Variants in APCDD1L observed in about 807,000 individuals in gnomAD.
APCDD1L encodes protein APCDD1-like.
Under a neutral mutation model 24.2 loss-of-function variants are expected in APCDD1L, and 21 were observed. The ratio of observed to expected loss-of-function variants is 0.87; its 90% confidence interval spans 0.61 to 1.25. The LOEUF (loss-of-function observed/expected upper bound fraction) is 1.25, where lower values mean the gene tolerates loss of function less well. Ranked by LOEUF, APCDD1L falls within the 50% of genes most tolerant of loss-of-function variation. APCDD1L has a pLI of 0.00. For synonymous variants in APCDD1L, 321 were observed against 323.6 expected, an observed-to-expected ratio of 0.99 and a Z score of 0.09; for missense variants, 704 against 711.7, an observed-to-expected ratio of 0.99 and a Z score of 0.12.
intron 1 of APCDD1L, among the ~76,000 whole-genome samples, chr20:58,479,572 T>A (rs904340589): frequency 6.6e-6 from 1 of 151,302 alleles, no homozygotes; most frequent in African/African-American, 2.4e-5. Flanking sequence ...TTTTATATAC[T>A]GAGGTTTGGA....
Position 58,494,354 on chromosome 20 carries a change from T to C in APCDD1L, c.49+20305A>G, listed in dbSNP as rs930809511. ...TTCCTTTCTTTTCTTTCCTTTTTTCTTGAGTCAGGGTTTCATTCTGTCGCA... is the reference window on the plus strand; with the variant it reads ...TTCCTTTCTTTTCTTTCCTTTTTTCCTGAGTCAGGGTTTCATTCTGTCGCA... On this transcript the variant is annotated intron_variant, in intron 1 of 3. Transcript: ENST00000371149. This position sits in a 1 kb window ranked among gnomAD's most constrained non-coding sequence, Gnocchi z 4.8. Among the ~76,000 whole-genome samples, 2 of 152,186 alleles carry C rather than the reference T, an allele frequency of 1.3e-5. No individual in the cohort carries two copies. Among genetic ancestry groups the C allele is most frequent in the African/African-American group, 4.8e-5 (2 of 41,442 alleles).
In APCDD1L at chr20:58,467,349, C is replaced by T. The variant is rs1169250052; in HGVS notation, c.498G>A (p.Arg166=). The stretch of plus-strand genomic sequence containing the variant: ...CGTACAGCGCCCCAGGCAGCCAGGC[C>T]CGGGCCGGAGGCAGCCGCCGCGCGC... ...RDCARRLPPA[R]AWLPGALYEL... is the part of the protein sequence containing the mutation. The change falls in exon 3 of 4, where the codon CGG becomes CGA. Residue 166 remains arginine (R), a synonymous_variant. Coordinates refer to ENST00000371149, the MANE Select transcript of APCDD1L (RefSeq NM_153360.3). The surrounding 1 kb of genome is among the most constrained non-coding windows in gnomAD (Gnocchi z 5.9). 4 of 1,482,968 alleles carry T rather than the reference C, an allele frequency of 2.7e-6. No individual in the cohort carries two copies. Among genetic ancestry groups the T allele is most frequent in the Non-Finnish European group, 3.6e-6 (4 of 1,125,322 alleles). The allele number at this position is 1,482,968 out of a possible 1,614,324, so 91.9% of individuals were successfully genotyped here. A position where few individuals can be genotyped will look rare whatever the true frequency, so the allele number is the denominator to read the frequency against.
rs559683582 is a variant in APCDD1L at position 58,493,206 on chromosome 20, T to C, written c.49+21453A>G. ...GTGCATGCACACAGGCACATAAACATGCACATAATGGAAACAAAAGTTTCA... is the reference window on the plus strand; with the variant it reads ...GTGCATGCACACAGGCACATAAACACGCACATAATGGAAACAAAAGTTTCA... On this transcript the variant is annotated intron_variant, in intron 1 of 3. Transcript: ENST00000371149. 1.3e-4 allele frequency among the ~76,000 whole-genome samples: 20 copies of C among 152,340 alleles called. No homozygotes were observed. In the South Asian group the frequency reaches 4.1e-3, roughly 32 times the overall value.
chr20:58,493,229 T>C (rs894475695), intron 1 of APCDD1L, among the ~76,000 whole-genome samples: 1 of 152,240 alleles, frequency 6.6e-6, no homozygotes, highest in African/African-American at 2.4e-5. Context: ...AACAAAAGTT[T>C]CAGGAAACAA....
Position 58,461,139 on chromosome 20 carries a change from G to A in APCDD1L, c.1157C>T (p.Ser386Phe). ...PSSCGGAGAW[S>F]MGTERDVTAT... ...TGTGACATCCCGCTCAGTGCCCATGGACCAGGCCCCCGCACCCCCACAGCT... is the reference window on the plus strand; with the variant it reads ...TGTGACATCCCGCTCAGTGCCCATGAACCAGGCCCCCGCACCCCCACAGCT... Residue 386 changes from serine to phenylalanine, a missense_variant, in exon 4 of 4, where the codon TCC (serine) becomes TTC (phenylalanine). By Grantham distance (155) the Ser-to-Phe change is radical (BLOSUM62 -2). Transcript: ENST00000371149. This position sits in a 1 kb window ranked among gnomAD's most constrained non-coding sequence, Gnocchi z 6.0. The A allele has an allele frequency of 6.2e-7, 1 of 1,613,172 alleles. No individual in the cohort carries two copies. The highest frequency in any genetic ancestry group is 8.5e-7 in the Non-Finnish European group (1 of 1,179,536).
chr20:58,514,992 G>A lies in APCDD1L; in HGVS notation c.-285C>T. On this transcript the variant is annotated 5_prime_UTR_variant, in exon 1 of 4. Coordinates refer to ENST00000371149, the MANE Select transcript of APCDD1L (RefSeq NM_153360.3). ...CGCGCAGCGCGCACAGCCCCCTGGT[G>A]CAGCTCCTGCCATTCAGACCCCCAG... is the stretch of plus-strand genomic sequence containing the variant. 3.1e-6 allele frequency: 1 copy of A among 325,522 alleles called. No homozygotes were observed. 20.2% of individuals were successfully genotyped at this position (325,522 alleles called of 1,614,324 possible). A position where few individuals can be genotyped will look rare whatever the true frequency, so the allele number is the denominator to read the frequency against.
In APCDD1L at chr20:58,478,361, C is replaced by CTCCTTCCTTCCTTCCTTCCTTCCTTCCT. The variant is rs140717243; in HGVS notation, c.50-7615_50-7614insAGGAAGGAAGGAAGGAAGGAAGGAAGGA. On this transcript the variant is annotated intron_variant, in intron 1 of 3. Coordinates refer to ENST00000371149, the MANE Select transcript of APCDD1L (RefSeq NM_153360.3). ...TTTAGGCTTCTTAACTTTTTCTTTT[C>CTCCTTCCTTCCTTCCTTCCTTCCTTCCT]TCCTTCCTTCCTTCCTTCCTTCCCT... is the stretch of plus-strand genomic sequence containing the variant. Among the ~76,000 whole-genome samples the CTCCTTCCTTCCTTCCTTCCTTCCTTCCT allele has an allele frequency of 6.0e-3, 887 of 148,958 alleles. 8 individuals carry two copies. Among genetic ancestry groups the CTCCTTCCTTCCTTCCTTCCTTCCTTCCT allele is most frequent in the South Asian group, 0.016 (75 of 4,648 alleles).
intron 1 of APCDD1L, among the ~76,000 whole-genome samples, chr20:58,473,126 G>A (rs577586562): frequency 1.8e-4 from 28 of 152,344 alleles, no homozygotes; most frequent in African/African-American, 6.0e-4. Context: ...GGAAAATCAA[G>A]CTTGCGTTTC....
chr20:58,489,075 G>T (rs1990174976), intron 1 of APCDD1L, among the ~76,000 whole-genome samples: 1 of 152,136 alleles, frequency 6.6e-6, no homozygotes, highest in Admixed American at 6.5e-5. Flanking sequence ...TACAGATCCA[G>T]CAGGTTTTTA....
In APCDD1L at chr20:58,514,834, G is replaced by A; in HGVS notation, c.-127C>T. On this transcript the variant is annotated 5_prime_UTR_variant, in exon 1 of 4. Transcript: ENST00000371149. Reference sequence around the variant, plus strand: ...CTGGAGTCCTGCGAAGAAGTTGCGAGGGTCCTGCGCCCCCCTCGGCGCTCA... The same window carrying A: ...CTGGAGTCCTGCGAAGAAGTTGCGAAGGTCCTGCGCCCCCCTCGGCGCTCA... 1.5e-6 allele frequency: 1 copy of A among 684,512 alleles called. No homozygotes were observed. Among genetic ancestry groups the A allele is most frequent in the South Asian group, 7.6e-5 (1 of 13,152 alleles). The allele number at this position is 684,512 out of a possible 1,614,324, so 42.4% of individuals were successfully genotyped here. A position where few individuals can be genotyped will look rare whatever the true frequency, so the allele number is the denominator to read the frequency against.
rs896382701 is a variant in APCDD1L, at chr20:58,467,988, C to A, written c.189-330G>T. 1.3e-5 allele frequency among the ~76,000 whole-genome samples: 2 copies of A among 152,164 alleles called. No individual in the cohort carries two copies. The highest frequency in any genetic ancestry group is 1.9e-4 in the East Asian group (1 of 5,174). ...CGGGATGCCCTGCCTGCTTCCTCCC[C>A]CGCTGGACTCTGGGCACCTGGCCCA... On this transcript the variant is annotated intron_variant, in intron 2 of 3. Coordinates refer to ENST00000371149, the MANE Select transcript of APCDD1L (RefSeq NM_153360.3). The surrounding 1 kb of genome is among the most constrained non-coding windows in gnomAD (Gnocchi z 5.9).
At chr20:58,505,802 G>A (rs1429233396) in intron 1 of APCDD1L, among the ~76,000 whole-genome samples, 1 of 152,124 alleles carries the variant, frequency 6.6e-6, no homozygotes, top group Non-Finnish European at 1.5e-5. Context: ...ACTGGAGCAG[G>A]GTGAGCCCTA....
chr20:58,497,607 A>G lies in APCDD1L; in HGVS notation c.49+17052T>C, dbSNP rs1990350621. On this transcript the variant is annotated intron_variant, in intron 1 of 3. Coordinates refer to ENST00000371149, the MANE Select transcript of APCDD1L (RefSeq NM_153360.3). The surrounding 1 kb of genome is among the most constrained non-coding windows in gnomAD (Gnocchi z 4.3). ...CTTCGACGCAGGTCTGCGTCCAAATATCCCCTTTCTATGAGGATACTAGTC... is the reference window on the plus strand; with the variant it reads ...CTTCGACGCAGGTCTGCGTCCAAATGTCCCCTTTCTATGAGGATACTAGTC... 6.6e-6 allele frequency among the ~76,000 whole-genome samples: 1 copy of G among 151,930 alleles called. No homozygotes were observed. Among genetic ancestry groups the G allele is most frequent in the African/African-American group, 2.4e-5 (1 of 41,334 alleles).
rs1190643216 is a variant in APCDD1L at position 58,497,979 on chromosome 20, T to C, written c.49+16680A>G. 6.6e-6 allele frequency among the ~76,000 whole-genome samples: 1 copy of C among 152,208 alleles called. No homozygotes were observed. The highest frequency in any genetic ancestry group is 2.4e-5 in the African/African-American group (1 of 41,456). On this transcript the variant is annotated intron_variant, in intron 1 of 3. Transcript: ENST00000371149. The surrounding 1 kb of genome is among the most constrained non-coding windows in gnomAD (Gnocchi z 4.3). ...CTCCAGATCTTTTCCTCTGGGGGCA[T>C]ATGCATAAATATATGTCCCGAGGAG...
At chr20:58,509,575 CTGGGCCCTGGTGGACACAGA>C (rs1990590055) in intron 1 of APCDD1L, among the ~76,000 whole-genome samples, 1 of 152,160 alleles carries the variant, frequency 6.6e-6, no homozygotes, top group Non-Finnish European at 1.5e-5. Context: ...GGAGCTGAGC[CTGGGCCCTGGTGGACACAGA>C]GAAGGCTCAG....
chr20:58,471,703 G>A (rs1989815000), intron 1 of APCDD1L, among the ~76,000 whole-genome samples: 1 of 152,248 alleles, frequency 6.6e-6, no homozygotes, highest in Admixed American at 6.5e-5. Context: ...TCCAATCAGG[G>A]CTGATGGGCT....
chr20:58,475,255 T>G (rs117494646), intron 1 of APCDD1L, among the ~76,000 whole-genome samples: 2,868 of 152,330 alleles, frequency 0.019, 47 homozygotes, highest in Non-Finnish European at 0.028. Context: ...TTTTTTCTCC[T>G]GTAATCTGCT....
Position 58,461,930 on chromosome 20 carries a change from A to G in APCDD1L, c.742-376T>C, listed in dbSNP as rs1989618156. 1 of 201,412 alleles carries G rather than the reference A, an allele frequency of 5.0e-6. No homozygotes were observed. The highest frequency in any genetic ancestry group is 9.8e-6 in the Non-Finnish European group (1 of 102,182). The allele number at this position is 201,412 out of a possible 1,614,324, so 12.5% of individuals were successfully genotyped here. A position where few individuals can be genotyped will look rare whatever the true frequency, so the allele number is the denominator to read the frequency against. Reference sequence around the variant, plus strand: ...CACCCTCTTTTATCTTCCTCATTCCACCCCCTGAGACTCTCCTCTCTCTAC... The same window carrying G: ...CACCCTCTTTTATCTTCCTCATTCCGCCCCCTGAGACTCTCCTCTCTCTAC... On this transcript the variant is annotated intron_variant, in intron 3 of 3. Transcript: ENST00000371149. This position sits in a 1 kb window ranked among gnomAD's most constrained non-coding sequence, Gnocchi z 6.0.
Position 58,461,919 on chromosome 20 carries a change from T to G in APCDD1L, c.742-365A>C. ...GGCTGTCACACCACCCTCTTTTATC[T>G]TCCTCATTCCACCCCCTGAGACTCT... On this transcript the variant is annotated intron_variant, in intron 3 of 3. Transcript: ENST00000371149. This position sits in a 1 kb window ranked among gnomAD's most constrained non-coding sequence, Gnocchi z 6.0. 3 of 219,464 alleles carry G rather than the reference T, an allele frequency of 1.4e-5. No homozygotes were observed. Among genetic ancestry groups the G allele is most frequent in the Non-Finnish European group, 2.7e-5 (3 of 112,236 alleles). The allele number at this position is 219,464 out of a possible 1,614,324, so 13.6% of individuals were successfully genotyped here.
Sources: gnomAD v4.1 joint callset for allele counts (sites outside exome capture counted in the v4.1 genomes callset) on GRCh38, gnomAD v4.1.1 for gene constraint, Gnocchi (gnomAD v3.1) non-coding constraint, MANE v1.5 for transcripts, NCBI Gene and HGNC (gene_info 2026-07-23, HGNC 2026-07-21) for gene names.